Variants in KIRREL3 observed in about 807,000 individuals in gnomAD.
KIRREL3 encodes kin of IRRE-like protein 3.
Under a neutral mutation model 89.7 loss-of-function variants are expected in KIRREL3, and 36 were observed. That is an observed-to-expected ratio of 0.40 (90% CI 0.31 to 0.53). KIRREL3 has a LOEUF of 0.53. Among genes scored for constraint, KIRREL3 ranks in the 20% least tolerant of loss-of-function variants. The probability of loss-of-function intolerance (pLI) is 0.49; values close to 1 mark genes in which losing one functional copy is unlikely to be tolerated. For missense variants in KIRREL3, 864 were observed against 1,056.6 expected (o/e 0.82, Z 2.53); for synonymous variants, 445 against 441.4 (o/e 1.01, Z -0.10).
At position 126,791,925 on chromosome 11, in the gene KIRREL3, G is replaced by A. The variant is rs370717050; in HGVS notation, c.55+208530C>T. ...GAAAACAGTTTAGAGGGAAGGCGGG[G>A]CTGCTTTCAAAGAAAAACAGGTGAA... On this transcript the variant is annotated intron_variant, in intron 1 of 16. Coordinates refer to ENST00000525144, the MANE Select transcript of KIRREL3 (RefSeq NM_032531.4). The surrounding 1 kb of genome is among the most constrained non-coding windows in gnomAD (Gnocchi z 4.8). 8.2e-4 allele frequency among the ~76,000 whole-genome samples: 125 copies of A among 152,312 alleles called. 1 individual carries two copies. The South Asian group carries it at 0.025, about 30-fold the overall frequency.
At chr11:126,963,066 A>G (rs556374704) in intron 1 of KIRREL3, among the ~76,000 whole-genome samples, 1 of 152,202 alleles carries the variant, frequency 6.6e-6, no homozygotes, top group Non-Finnish European at 1.5e-5. Context: ...CTTTATTGCA[A>G]TGCTCACTTC....
intron 1 of KIRREL3, among the ~76,000 whole-genome samples, chr11:126,973,100 G>GGAA (rs1949476403): frequency 8.4e-6 from 1 of 119,636 alleles, no homozygotes; most frequent in Non-Finnish European, 1.6e-5. Context: ...AAGTTTTGAG[G>GGAA]AAAAAAAAAA....
At position 126,742,537 on chromosome 11, in the gene KIRREL3, A is replaced by T. The variant is rs1949016643; in HGVS notation, c.56-179625T>A. On this transcript the variant is annotated intron_variant, in intron 1 of 16. Coordinates refer to ENST00000525144, the MANE Select transcript of KIRREL3 (RefSeq NM_032531.4). This position sits in a 1 kb window ranked among gnomAD's most constrained non-coding sequence, Gnocchi z 5.3. ...CATGGATCTCAGAACTGGAAAGAAC[A>T]AGAGATTTTCCCATAAAGCTCCCCT... Among the ~76,000 whole-genome samples, 1 of 152,208 alleles carries T rather than the reference A, an allele frequency of 6.6e-6. No individual in the cohort carries two copies. Among genetic ancestry groups the T allele is most frequent in the Admixed American group, 6.5e-5 (1 of 15,290 alleles).
At chr11:126,693,909 C>T (rs1946982701) in intron 1 of KIRREL3, among the ~76,000 whole-genome samples, 1 of 152,212 alleles carries the variant, frequency 6.6e-6, no homozygotes, top group Admixed American at 6.5e-5. Flanking sequence ...AGTCCTTGCC[C>T]CTTCCCCAGA....
intron 1 of KIRREL3, among the ~76,000 whole-genome samples, chr11:126,803,401 C>T (rs556775752): frequency 3.3e-5 from 5 of 152,160 alleles, no homozygotes; most frequent in Admixed American, 1.3e-4. Context: ...GGTGCCTAGT[C>T]GCATGAGGAC....
rs1196946525 is a variant in KIRREL3 at position 126,797,091 on chromosome 11, C to G, written c.55+203364G>C. Among the ~76,000 whole-genome samples the G allele has an allele frequency of 2.6e-5, 4 of 152,150 alleles. No individual in the cohort carries two copies. The highest frequency in any genetic ancestry group is 5.9e-5 in the Non-Finnish European group (4 of 68,022). ...GCGGGAGGGAAGAAGAAGCCTCATT[C>G]AGATCCCCCAGAGCCCACATTCGGG... is the stretch of plus-strand genomic sequence containing the variant. On this transcript the variant is annotated intron_variant, in intron 1 of 16. Transcript: ENST00000525144. This position sits in a 1 kb window ranked among gnomAD's most constrained non-coding sequence, Gnocchi z 4.9.
rs765442682 is a variant in KIRREL3, at chr11:126,501,074, C to G, written c.433+20241G>C. ...TTCCTGGCTCTGCCTCTCCCAGCCT[C>G]CTCCTCTGGGTTTCATTTCCTTGCT... On this transcript the variant is annotated intron_variant, in intron 4 of 16. Transcript: ENST00000525144. This position sits in a 1 kb window ranked among gnomAD's most constrained non-coding sequence, Gnocchi z 5.8. Among the ~76,000 whole-genome samples, 25 of 152,228 alleles carry G rather than the reference C, an allele frequency of 1.6e-4. No individual in the cohort carries two copies. Among genetic ancestry groups the G allele is most frequent in the Non-Finnish European group, 2.5e-4 (17 of 68,042 alleles).
chr11:126,841,098 T>A (rs964827404), intron 1 of KIRREL3, among the ~76,000 whole-genome samples: 5 of 152,356 alleles, frequency 3.3e-5, no homozygotes, highest in Admixed American at 2.0e-4. Flanking sequence ...TAGGTATGTA[T>A]GGATAGGAAA....
intron 1 of KIRREL3, among the ~76,000 whole-genome samples, chr11:126,998,549 C>A (rs528790414): frequency 3.3e-5 from 5 of 152,178 alleles, no homozygotes; most frequent in African/African-American, 7.2e-5. Context: ...TTCTTCCTAG[C>A]GCTCTCAGGA....
At chr11:126,452,547 A>G (rs1297197324) in intron 7 of KIRREL3, among the ~76,000 whole-genome samples, 2 of 152,222 alleles carry the variant, frequency 1.3e-5, no homozygotes, top group South Asian at 4.1e-4. Context: ...AGGGCCAAGC[A>G]TGCGTCTTCC....
intron 1 of KIRREL3, among the ~76,000 whole-genome samples, chr11:126,678,505 C>T (rs973929691): frequency 2.1e-5 from 3 of 140,250 alleles, no homozygotes; most frequent in African/African-American, 5.4e-5. Context: ...AAGGCTGAGG[C>T]AGGAGAATGG....
intron 1 of KIRREL3, among the ~76,000 whole-genome samples, chr11:126,706,760 C>G (rs1046787838): frequency 2.0e-5 from 3 of 152,036 alleles, no homozygotes; most frequent in African/African-American, 7.2e-5. Flanking sequence ...CTATATTTTT[C>G]TTTTTCTGTA....
intron 1 of KIRREL3, among the ~76,000 whole-genome samples, chr11:126,895,097 A>G (rs1946096163): frequency 6.6e-6 from 1 of 152,088 alleles, no homozygotes; most frequent in Non-Finnish European, 1.5e-5. Flanking sequence ...TTGGTTCTCA[A>G]ATGTTGCAGC....
Position 126,790,287 on chromosome 11 carries a change from G to C in KIRREL3, c.55+210168C>G, listed in dbSNP as rs547330070. On this transcript the variant is annotated intron_variant, in intron 1 of 16. Coordinates refer to ENST00000525144, the MANE Select transcript of KIRREL3 (RefSeq NM_032531.4). ...CGGACTCGGTCCACATGCTCTGTTG[G>C]ATGAATGGATGGATAAAGACTGGTT... Among the ~76,000 whole-genome samples, 121 of 152,316 alleles carry C rather than the reference G, an allele frequency of 7.9e-4. 2 individuals are homozygous for C. Among genetic ancestry groups the C allele is most frequent in the African/African-American group, 2.6e-3 (110 of 41,568 alleles).
chr11:126,615,294 T>A lies in KIRREL3; in HGVS notation c.56-52382A>T, dbSNP rs1943297831. Among the ~76,000 whole-genome samples the A allele has an allele frequency of 6.6e-6, 1 of 152,194 alleles. No individual in the cohort carries two copies. Among genetic ancestry groups the A allele is most frequent in the Non-Finnish European group, 1.5e-5 (1 of 68,032 alleles). ...AGTTCCTGGCACAGTCCTCAATAAA[T>A]GTTTATTGTCATTCCTGTGATTATT... On this transcript the variant is annotated intron_variant, in intron 1 of 16. Transcript: ENST00000525144. This position sits in a 1 kb window ranked among gnomAD's most constrained non-coding sequence, Gnocchi z 5.4.
At chr11:126,942,225 T>C (rs1009865362) in intron 1 of KIRREL3, among the ~76,000 whole-genome samples, 2 of 152,106 alleles carry the variant, frequency 1.3e-5, no homozygotes, top group Admixed American at 6.5e-5. Flanking sequence ...ATTAATAAAA[T>C]TGGAATAATA....
rs1278488173 is a variant in KIRREL3, at chr11:126,747,608, C to T, written c.56-184696G>A. Among the ~76,000 whole-genome samples, 8 of 152,220 alleles carry T rather than the reference C, an allele frequency of 5.3e-5. No individual in the cohort carries two copies. In the South Asian group the frequency reaches 1.0e-3, roughly 20 times the overall value. ...GAAAAGGCACTGTATATCCCTCTTT[C>T]GTGGTATTAGGAACCTGGTATAACT... On this transcript the variant is annotated intron_variant, in intron 1 of 16. Transcript: ENST00000525144. The surrounding 1 kb of genome is among the most constrained non-coding windows in gnomAD (Gnocchi z 4.7).
At chr11:126,479,888 G>A (rs1302890400) in intron 4 of KIRREL3, among the ~76,000 whole-genome samples, 2 of 152,188 alleles carry the variant, frequency 1.3e-5, no homozygotes, top group Non-Finnish European at 2.9e-5. Context: ...CACACCCTTT[G>A]AGACTTAGTT....
Position 126,976,766 on chromosome 11 carries a change from T to C in KIRREL3, c.55+23689A>G, listed in dbSNP as rs1342964249. On this transcript the variant is annotated intron_variant, in intron 1 of 16. Transcript: ENST00000525144. This position sits in a 1 kb window ranked among gnomAD's most constrained non-coding sequence, Gnocchi z 4.2. Reference sequence around the variant, plus strand: ...TAACAAATCTATGGCATACATACTCTTGATATGTCTACATCATAGAAGGGT... The same window carrying C: ...TAACAAATCTATGGCATACATACTCCTGATATGTCTACATCATAGAAGGGT... Among the ~76,000 whole-genome samples, 2 of 152,210 alleles carry C rather than the reference T, an allele frequency of 1.3e-5. No individual in the cohort carries two copies. The highest frequency in any genetic ancestry group is 6.5e-5 in the Admixed American group (1 of 15,278).
Sources: allele counts gnomAD v4.1 joint callset (sites outside exome capture counted in the v4.1 genomes callset), GRCh38; gene constraint gnomAD v4.1.1; non-coding constraint Gnocchi (gnomAD v3.1); transcripts MANE v1.5; gene names NCBI Gene and HGNC (gene_info 2026-07-23, HGNC 2026-07-21).